The following MAGI2 variants were observed in gnomAD, a reference collection of about 807,000 sequenced individuals.
MAGI2 encodes membrane-associated guanylate kinase, WW and PDZ domain-containing protein 2.
MAGI2 carries 35 observed loss-of-function variants against 133.3 expected under a neutral mutation model. The observed-to-expected ratio is 0.26, with a 90% CI of 0.20 to 0.35. The LOEUF is 0.35. MAGI2 is among the 10% of genes least tolerant of loss of function. MAGI2 has a pLI of 1.00. For synonymous variants in MAGI2, 729 were observed against 710.6 expected (o/e 1.03, Z -0.41); for missense variants, 1,636 against 1,863.4 (o/e 0.88, Z 2.25).
chr7:78,048,320 C>T (rs2151101309), intron 21 of MAGI2, among the ~76,000 whole-genome samples: 1 of 152,280 alleles, frequency 6.6e-6, no homozygotes, highest in African/African-American at 2.4e-5. Flanking sequence ...GTGGAGAAAA[C>T]AGTGACTCCC....
chr7:79,141,746 C>T (rs1054530239), intron 1 of MAGI2, among the ~76,000 whole-genome samples: 1 of 149,278 alleles, frequency 6.7e-6, no homozygotes, highest in African/African-American at 2.6e-5. Context: ...TGGCTTTGTT[C>T]GTGTTTTTTT....
chr7:79,293,145 C>A (rs1253593270), intron 1 of MAGI2, among the ~76,000 whole-genome samples: 1 of 152,124 alleles, frequency 6.6e-6, no homozygotes, highest in Non-Finnish European at 1.5e-5. Flanking sequence ...CTATATCAGA[C>A]CCTTTGTTTT....
chr7:78,066,022 G>A (rs1196561190), intron 21 of MAGI2, among the ~76,000 whole-genome samples: 2 of 152,096 alleles, frequency 1.3e-5, no homozygotes, highest in African/African-American at 4.8e-5. Context: ...GATATCAACT[G>A]TCATTTGAGA....
chr7:78,234,861 A>C (rs1226313223), intron 10 of MAGI2, among the ~76,000 whole-genome samples: 1 of 152,152 alleles, frequency 6.6e-6, no homozygotes, highest in African/African-American at 2.4e-5. Context: ...TTCTGCTCTC[A>C]TGCATAAGCA....
At chr7:79,201,092 C>G (rs1325541952) in intron 1 of MAGI2, among the ~76,000 whole-genome samples, 7 of 151,882 alleles carry the variant, frequency 4.6e-5, no homozygotes, top group Non-Finnish European at 1.0e-4. Flanking sequence ...GAAATTGGCT[C>G]TTTGTCAGGA....
In MAGI2 at chr7:78,481,719, T is replaced by TAG. The variant is rs138912072; in HGVS notation, c.1045+8040_1045+8041dup. On this transcript the variant is annotated intron_variant, in intron 6 of 21. Transcript: ENST00000354212. ...TTCAACATCCATAGGGAAAAAAAAA[T>TAG]AGAGAACCTTAACCTAACTCTTATA... Among the ~76,000 whole-genome samples the TAG allele has an allele frequency of 4.2e-4, 63 of 150,692 alleles. 1 individual carries two copies. The highest frequency in any genetic ancestry group is 1.5e-5 in the Non-Finnish European group (1 of 67,558).
At chr7:78,369,080 C>T (rs980240229) in intron 7 of MAGI2, 76 bp downstream of exon 7, 3 of 1,051,330 alleles carry the variant, frequency 2.9e-6, no homozygotes, top group South Asian at 1.7e-5. Context: ...GTGAGCCACA[C>T]ATGCTCAATA....
chr7:78,406,317 C>T (rs769740333), intron 6 of MAGI2, among the ~76,000 whole-genome samples: 1 of 151,932 alleles, frequency 6.6e-6, no homozygotes, highest in Non-Finnish European at 1.5e-5. Context: ...TTAAATTTAA[C>T]CTTTGTAACT....
chr7:78,800,856 C>G (rs747410061), intron 2 of MAGI2, among the ~76,000 whole-genome samples: 2 of 151,918 alleles, frequency 1.3e-5, no homozygotes, highest in African/African-American at 2.4e-5. Context: ...TTTCAGGTTC[C>G]AAGTGAAACA....
intron 3 of MAGI2, among the ~76,000 whole-genome samples, chr7:78,541,255 T>G (rs1233400206): frequency 6.6e-6 from 1 of 152,204 alleles, no homozygotes; most frequent in East Asian, 1.9e-4. Context: ...ATTACCCTTT[T>G]AAAAAGTCTT....
intron 1 of MAGI2, among the ~76,000 whole-genome samples, chr7:79,266,986 G>A (rs576395631): frequency 6.6e-6 from 1 of 152,218 alleles, no homozygotes; most frequent in South Asian, 2.1e-4. Context: ...TTCAGATAAG[G>A]GGGAACTGAG....
At chr7:79,130,269 G>A (rs940401858) in intron 1 of MAGI2, among the ~76,000 whole-genome samples, 22 of 152,176 alleles carry the variant, frequency 1.4e-4, no homozygotes, top group Non-Finnish European at 1.3e-4. Context: ...CTATGACAGC[G>A]CCATTGTATA....
chr7:79,393,330 C>T (rs1168540937), intron 1 of MAGI2, among the ~76,000 whole-genome samples: 2 of 152,212 alleles, frequency 1.3e-5, no homozygotes, highest in Middle Eastern at 3.4e-3. Context: ...AGGGAAAAAA[C>T]AAGCTTCTTA....
intron 2 of MAGI2, among the ~76,000 whole-genome samples, chr7:78,805,988 A>T (rs2151395058): frequency 6.6e-6 from 1 of 152,264 alleles, no homozygotes; most frequent in South Asian, 2.1e-4. Flanking sequence ...TGAATTTCTG[A>T]ACTAAATTGT....
chr7:78,272,439 G>A (rs1213061547), intron 9 of MAGI2, among the ~76,000 whole-genome samples: 1 of 152,202 alleles, frequency 6.6e-6, no homozygotes, highest in Non-Finnish European at 1.5e-5. Flanking sequence ...GGAGAGTTCT[G>A]TAGATGTCTA....
chr7:78,363,320 C>T (rs1302475655), intron 7 of MAGI2, among the ~76,000 whole-genome samples: 1 of 152,046 alleles, frequency 6.6e-6, no homozygotes, highest in Non-Finnish European at 1.5e-5. Flanking sequence ...GGTGAAACCC[C>T]ATCTCTACTA....
At chr7:78,760,675 T>C (rs1824418817) in intron 2 of MAGI2, among the ~76,000 whole-genome samples, 1 of 152,174 alleles carries the variant, frequency 6.6e-6, no homozygotes, top group Non-Finnish European at 1.5e-5. Context: ...AAGAAAGAGA[T>C]TATGTGGGAC....
At chr7:79,141,211 C>T (rs988977384) in intron 1 of MAGI2, among the ~76,000 whole-genome samples, 2 of 152,162 alleles carry the variant, frequency 1.3e-5, no homozygotes, top group Non-Finnish European at 2.9e-5. Context: ...CCTTCCTTTT[C>T]CTGTCTTGTA....
intron 2 of MAGI2, among the ~76,000 whole-genome samples, chr7:78,995,229 G>T (rs1473199624): frequency 1.3e-5 from 2 of 151,996 alleles, no homozygotes; most frequent in Non-Finnish European, 2.9e-5. Flanking sequence ...AGTTTGTGTT[G>T]GGCTGCATCA....
Sources: allele counts gnomAD v4.1 joint callset (sites outside exome capture counted in the v4.1 genomes callset), GRCh38; gene constraint gnomAD v4.1.1; transcripts MANE v1.5; gene names NCBI Gene and HGNC (gene_info 2026-07-23, HGNC 2026-07-21).